CRISPLD1: variants seen among roughly 807,000 people sequenced by gnomAD.
CRISPLD1 encodes cysteine-rich secretory protein LCCL domain-containing 1.
CRISPLD1 carries 60 observed loss-of-function variants against 77.5 expected under a neutral mutation model. The observed-to-expected ratio is 0.77, with a 90% confidence interval of 0.63 to 0.96. The LOEUF (loss-of-function observed/expected upper bound fraction) is 0.96, where lower values mean the gene tolerates loss of function less well. Ranked by LOEUF, CRISPLD1 falls within the 40% of genes least tolerant of loss-of-function variation. CRISPLD1 has a pLI of 0.00. For synonymous variants in CRISPLD1, 195 were observed against 200.1 expected (o/e 0.97, Z 0.22); for missense variants, 623 against 615.8 (o/e 1.01, Z -0.12).
At chr8:75,016,311 A>T (rs1813025632) in intron 6 of CRISPLD1, among the ~76,000 whole-genome samples, 1 of 152,166 alleles carries the variant, frequency 6.6e-6, no homozygotes, top group Non-Finnish European at 1.5e-5. Flanking sequence ...ATATAAGCAA[A>T]GTTTAGAAGT....
intron 2 of CRISPLD1, among the ~76,000 whole-genome samples, chr8:74,989,441 G>A (rs2128780599): frequency 6.6e-6 from 1 of 152,144 alleles, no homozygotes; most frequent in South Asian, 2.1e-4. Flanking sequence ...CCTGCTTATT[G>A]GCACATGAAC....
intron 2 of CRISPLD1, among the ~76,000 whole-genome samples, chr8:75,004,175 C>T (rs1325998740): frequency 6.6e-6 from 1 of 152,132 alleles, no homozygotes; most frequent in Non-Finnish European, 1.5e-5. Flanking sequence ...GGTAATGCTT[C>T]TTTCTCAGTA....
chr8:75,011,793 A>G (rs1563397889), intron 2 of CRISPLD1, among the ~76,000 whole-genome samples: 2 of 152,142 alleles, frequency 1.3e-5, no homozygotes, highest in Admixed American at 6.6e-5. Context: ...AGACACTAGA[A>G]ATAGACCAAA....
At chr8:74,988,218 A>G (rs1461700272) in intron 2 of CRISPLD1, among the ~76,000 whole-genome samples, 1 of 152,240 alleles carries the variant, frequency 6.6e-6, no homozygotes, top group African/African-American at 2.4e-5. Flanking sequence ...AATGTAAATG[A>G]GATGTAGATC....
At chr8:74,994,576 A>G (rs1220958760) in intron 2 of CRISPLD1, among the ~76,000 whole-genome samples, 2 of 152,200 alleles carry the variant, frequency 1.3e-5, no homozygotes, top group East Asian at 1.9e-4. Flanking sequence ...GGTGGAACCC[A>G]ACCTCTGTCT....
intron 2 of CRISPLD1, chr8:75,000,278 G>C: frequency 1.0e-6 from 1 of 985,316 alleles, no homozygotes; most frequent in Non-Finnish European, 1.2e-6. Flanking sequence ...ATGTTGTCCA[G>C]AGAAGGAAAA....
At chr8:75,010,954 A>T (rs1391087720) in intron 2 of CRISPLD1, among the ~76,000 whole-genome samples, 1 of 151,944 alleles carries the variant, frequency 6.6e-6, no homozygotes, top group African/African-American at 2.4e-5. Flanking sequence ...CCATTGAAAT[A>T]TGCATGGAAA....
chr8:74,986,954 A>G (rs1219958273), intron 2 of CRISPLD1, among the ~76,000 whole-genome samples: 2 of 152,182 alleles, frequency 1.3e-5, no homozygotes, highest in African/African-American at 4.8e-5. Context: ...TCATACCCTA[A>G]ACATTTAGAA....
In CRISPLD1 at chr8:75,020,736, G is replaced by A. The variant is rs543674932; in HGVS notation, c.1244+657G>A. On this transcript the variant is annotated intron_variant, in intron 12 of 14. Coordinates refer to ENST00000262207, the MANE Select transcript of CRISPLD1 (RefSeq NM_031461.6). ...AATTTCTTACAACAGAAACTAAAGT[G>A]GCATAACTCATATTTTAACATCATT... is the stretch of plus-strand genomic sequence containing the variant. Among the ~76,000 whole-genome samples the A allele has an allele frequency of 5.3e-5, 8 of 152,104 alleles. No homozygotes were observed. The South Asian group carries it at 1.7e-3, about 32-fold the overall frequency.
chr8:75,012,501 T>G lies in CRISPLD1; in HGVS notation c.327T>G (p.Pro109=). 1.2e-6 allele frequency: 2 copies of G among 1,612,966 alleles called. No individual in the cohort carries two copies. ...AAAGTTGCTTGTGGGAACATGGACC[T>G]GCAAGCTTGCTTCCATCAATTGGAC... ...WAESCLWEHG[P]ASLLPSIGQN... The change falls in exon 3 of 15, where the codon CCT becomes CCG. Residue 109 remains proline (P), a synonymous_variant. Coordinates refer to ENST00000262207, the MANE Select transcript of CRISPLD1 (RefSeq NM_031461.6).
Position 75,013,022 on chromosome 8 carries a change from G to A in CRISPLD1, c.510G>A (p.Gln170=). The A allele has an allele frequency of 6.3e-7, 1 of 1,578,738 alleles. No homozygotes were observed. The highest frequency in any genetic ancestry group is 8.6e-7 in the Non-Finnish European group (1 of 1,158,710). The part of the protein sequence containing the change: ...CSGPVCTHYT[Q]VVWATSNRIG... Reference sequence around the variant, plus strand: ...GCCCTGTATGTACACATTATACACAGGTATGTTTGGGGGGTATTATACTTA... The same window carrying A: ...GCCCTGTATGTACACATTATACACAAGTATGTTTGGGGGGTATTATACTTA... The change falls in exon 4 of 15, where the codon CAG becomes CAA. Residue 170 remains glutamine, a splice_region_variant and synonymous_variant. Coordinates refer to ENST00000262207, the MANE Select transcript of CRISPLD1 (RefSeq NM_031461.6).
chr8:74,998,527 A>T (rs1203530295), intron 2 of CRISPLD1, among the ~76,000 whole-genome samples: 1 of 151,848 alleles, frequency 6.6e-6, no homozygotes, highest in Non-Finnish European at 1.5e-5. Flanking sequence ...GTCTCTATTA[A>T]AAATAGAAAA....
intron 2 of CRISPLD1, among the ~76,000 whole-genome samples, chr8:74,990,966 G>C (rs1340234119): frequency 6.6e-6 from 1 of 151,154 alleles, no homozygotes; most frequent in Non-Finnish European, 1.5e-5. Flanking sequence ...TGGTACCACA[G>C]ATGCCCACCT....
At chr8:75,018,822 C>G (rs1813083108) in intron 10 of CRISPLD1, among the ~76,000 whole-genome samples, 1 of 152,094 alleles carries the variant, frequency 6.6e-6, no homozygotes, top group Non-Finnish European at 1.5e-5. Flanking sequence ...AAACTCCTGA[C>G]CTCAAGTGAT....
chr8:75,017,171 TTTA>T, intron 9 of CRISPLD1, 58 bp downstream of exon 9: 1 of 1,547,334 alleles, frequency 6.5e-7, no homozygotes, highest in Non-Finnish European at 8.9e-7. Flanking sequence ...ATATTTGATT[TTTA>T]TTGTGCAAAA....
At chr8:75,024,374 G>A (rs1262928121) in intron 12 of CRISPLD1, among the ~76,000 whole-genome samples, 2 of 152,118 alleles carry the variant, frequency 1.3e-5, no homozygotes, top group Non-Finnish European at 2.9e-5. Context: ...TGCCCAGGCT[G>A]GAGTGCAGTG....
intron 2 of CRISPLD1, among the ~76,000 whole-genome samples, chr8:74,990,578 C>T (rs1381096777): frequency 1.3e-5 from 2 of 149,962 alleles, no homozygotes; most frequent in Non-Finnish European, 3.0e-5. Context: ...TGTCTTTGAG[C>T]TTCATTTTTA....
intron 10 of CRISPLD1, among the ~76,000 whole-genome samples, chr8:75,017,728 A>G (rs1274435076): frequency 6.6e-6 from 1 of 152,204 alleles, no homozygotes; most frequent in Non-Finnish European, 1.5e-5. Flanking sequence ...GTAAAGCAAT[A>G]CATTTTTTAG....
Position 75,013,032 on chromosome 8 carries a change from G to A in CRISPLD1, c.510+10G>A. Reference sequence around the variant, plus strand: ...TACACATTATACACAGGTATGTTTGGGGGGTATTATACTTAATTCCCCCAA... The same window carrying A: ...TACACATTATACACAGGTATGTTTGAGGGGTATTATACTTAATTCCCCCAA... On this transcript the variant is annotated intron_variant, in intron 4 of 14. Coordinates refer to ENST00000262207, the MANE Select transcript of CRISPLD1 (RefSeq NM_031461.6). The A allele has an allele frequency of 1.3e-6, 2 of 1,558,992 alleles. No individual in the cohort carries two copies. The highest frequency in any genetic ancestry group is 1.7e-6 in the Non-Finnish European group (2 of 1,146,742).
Sources: allele counts gnomAD v4.1 joint callset (sites outside exome capture counted in the v4.1 genomes callset), GRCh38; gene constraint gnomAD v4.1.1; transcripts MANE v1.5; gene names NCBI Gene and HGNC (gene_info 2026-07-23, HGNC 2026-07-21).